The following FAIM2 variants were observed in gnomAD, a reference collection of about 807,000 sequenced individuals.
FAIM2 encodes the protein Fas apoptotic inhibitory molecule 2.
In FAIM2, 27 loss-of-function variants were observed where a neutral mutation model predicts 47.4. The ratio of observed to expected loss-of-function variants is 0.57; its 90% confidence interval spans 0.42 to 0.78. The LOEUF (loss-of-function observed/expected upper bound fraction) is 0.78, where lower values mean the gene tolerates loss of function less well. Among genes scored for constraint, FAIM2 ranks in the 30% least tolerant of loss-of-function variants. The pLI, the probability that FAIM2 is intolerant of heterozygous loss-of-function variation, is 0.00. For synonymous variants in FAIM2, 156 were observed against 159.3 expected (o/e 0.98, Z 0.16); for missense variants, 311 against 389.4 (o/e 0.80, Z 1.69).
intron 11 of FAIM2, among the ~76,000 whole-genome samples, chr12:49,880,420 ATG>A (rs1426753894): frequency 3.5e-5 from 5 of 144,260 alleles, no homozygotes; most frequent in African/African-American, 1.3e-4. Flanking sequence ...GCATGTGTAT[ATG>A]TGCATATCTC....
intron 11 of FAIM2, among the ~76,000 whole-genome samples, chr12:49,879,562 G>A (rs1280967884): frequency 6.6e-6 from 1 of 151,574 alleles, no homozygotes; most frequent in African/African-American, 2.4e-5. Context: ...GTATGTGCAT[G>A]CATGTATATG....
intron 5 of FAIM2, among the ~76,000 whole-genome samples, chr12:49,896,172 G>A (rs1045133605): frequency 2.4e-4 from 37 of 152,110 alleles, no homozygotes; most frequent in African/African-American, 8.7e-4. Context: ...CCCTGCAGAG[G>A]CCTCCTCTCC....
chr12:49,880,404 G>T (rs1946807182), intron 11 of FAIM2, among the ~76,000 whole-genome samples: 1 of 151,654 alleles, frequency 6.6e-6, no homozygotes, highest in Non-Finnish European at 1.5e-5. Context: ...GTGAGTGTAT[G>T]TATGTGCATG....
At chr12:49,887,634 C>T (rs576416197) in intron 10 of FAIM2, among the ~76,000 whole-genome samples, 195 bp from the exon 11 acceptor site, 5 of 152,186 alleles carry the variant, frequency 3.3e-5, no homozygotes, top group East Asian at 3.9e-4. Context: ...GGGATAAGAG[C>T]GATCCTGGTG....
Position 49,870,658 on chromosome 12 carries a change from G to A in FAIM2, c.802-5C>T. ...CTGGGTGTCAAGTGCCAGGAACTGGGAGAAGTGAGGAGAGAGAGAGAGAGG... is the reference window on the plus strand; with the variant it reads ...CTGGGTGTCAAGTGCCAGGAACTGGAAGAAGTGAGGAGAGAGAGAGAGAGG... On this transcript the variant is annotated splice_region_variant and splice_polypyrimidine_tract_variant and intron_variant, in intron 11 of 11. Transcript: ENST00000320634. 6.2e-7 allele frequency: 1 copy of A among 1,613,754 alleles called. No homozygotes were observed. Among genetic ancestry groups the A allele is most frequent in the Non-Finnish European group, 8.5e-7 (1 of 1,179,936 alleles).
intron 11 of FAIM2, among the ~76,000 whole-genome samples, chr12:49,880,630 GTA>G (rs59558736): frequency 0.76 from 114,721 of 150,406 alleles, 44,198 homozygotes; most frequent in African/African-American, 0.86. Flanking sequence ...GTGCATGTGT[GTA>G]TATATATGCA....
At chr12:49,879,367 CATGTGTGTAT>C (rs1400442294) in intron 11 of FAIM2, among the ~76,000 whole-genome samples, 4 of 136,528 alleles carry the variant, frequency 2.9e-5, no homozygotes, top group South Asian at 2.4e-4. Flanking sequence ...CATGTGTGTG[CATGTGTGTAT>C]ATGTGTATGT....
At chr12:49,880,774 A>G (rs1946818504) in intron 11 of FAIM2, among the ~76,000 whole-genome samples, 1 of 151,434 alleles carries the variant, frequency 6.6e-6, no homozygotes, top group Non-Finnish European at 1.5e-5. Context: ...GTATGTGTGT[A>G]TATGAGTGTG....
chr12:49,880,110 GTGTA>G lies in FAIM2; in HGVS notation c.801+7272_801+7275del, dbSNP rs1278158672. 7.9e-5 allele frequency among the ~76,000 whole-genome samples: 12 copies of G among 151,892 alleles called. No individual in the cohort carries two copies. In the South Asian group the frequency reaches 8.3e-4, roughly 11 times the overall value. ...TGTGCCTGTGTGTATATGTGCGTCT[GTGTA>G]TGTGTGTGCATGTGAATGTGTGTAT... On this transcript the variant is annotated intron_variant, in intron 11 of 11. Coordinates refer to ENST00000320634, the MANE Select transcript of FAIM2 (RefSeq NM_012306.4).
rs74953115 is a variant in FAIM2, at chr12:49,889,395, G to A, written c.651+86C>T. ...CCTTTACTTCTCTCCCCAGCCCCAG[G>A]TCCGAGCTCTGAGGCCCCCACCCCA... is the stretch of plus-strand genomic sequence containing the variant. On this transcript the variant is annotated intron_variant, in intron 9 of 11. Transcript: ENST00000320634. 2.8e-3 allele frequency: 3,568 copies of A among 1,282,368 alleles called. 83 individuals are homozygous for A. In the African/African-American group the frequency reaches 0.046, roughly 16 times the overall value. 79.4% of individuals were successfully genotyped at this position (1,282,368 alleles called of 1,614,324 possible). A position where few individuals can be genotyped will look rare whatever the true frequency, so the allele number is the denominator to read the frequency against.
Position 49,870,537 on chromosome 12 carries a change from G to A in FAIM2, c.918C>T (p.Phe306=), listed in dbSNP as rs1372141566. ...GGTTAGTGCCAAAAAGCTGCAGGAA[G>A]AAGGTGAAGATATAGATGATGTCTA... ...IYLDIIYIFT[F]FLQLFGTNRE is the part of the protein sequence containing the mutation. Residue 306 remains phenylalanine (F), a synonymous_variant, in exon 12 of 12, where the codon TTC becomes TTT. Coordinates refer to ENST00000320634, the MANE Select transcript of FAIM2 (RefSeq NM_012306.4). 1.9e-6 allele frequency: 3 copies of A among 1,614,072 alleles called. No individual in the cohort carries two copies. The highest frequency in any genetic ancestry group is 1.7e-6 in the Non-Finnish European group (2 of 1,179,934).
chr12:49,892,303 C>T (rs1329836323), intron 5 of FAIM2, among the ~76,000 whole-genome samples: 1 of 152,136 alleles, frequency 6.6e-6, no homozygotes, highest in East Asian at 1.9e-4. Flanking sequence ...TCCACTGGTA[C>T]CTCTCCTCCC....
In FAIM2 at chr12:49,903,773, G is replaced by A. The variant is rs202015450; in HGVS notation, c.15+5C>T. The A allele has an allele frequency of 2.0e-4, 311 of 1,549,170 alleles. 1 individual carries two copies. The highest frequency in any genetic ancestry group is 7.1e-4 in the African/African-American group (52 of 72,904). On this transcript the variant is annotated splice_donor_5th_base_variant and intron_variant, in intron 1 of 11. Transcript: ENST00000320634. ...GGATGGTGCAGGCTGGGGAGATGCC[G>A]GTACCTTTCCCTGGGTCATGGTGCC... is the stretch of plus-strand genomic sequence containing the variant.
chr12:49,873,486 C>G (rs551986617), intron 11 of FAIM2, among the ~76,000 whole-genome samples: 2 of 152,282 alleles, frequency 1.3e-5, no homozygotes, highest in East Asian at 3.9e-4. Context: ...GCAGTCACAG[C>G]TGCCAGCATC....
At chr12:49,890,820 C>T in intron 6 of FAIM2, 98 bp from the exon 7 acceptor site, 2 of 998,230 alleles carry the variant, frequency 2.0e-6, no homozygotes, top group Non-Finnish European at 3.2e-6. Context: ...TGACCAACCC[C>T]CTCCACACTC....
intron 5 of FAIM2, among the ~76,000 whole-genome samples, chr12:49,895,766 G>A (rs1032599912): frequency 2.0e-5 from 3 of 152,178 alleles, no homozygotes; most frequent in South Asian, 2.1e-4. Flanking sequence ...TGGGCTCGAC[G>A]TGGTCCAGGG....
At chr12:49,880,050 A>G (rs62648574) in intron 11 of FAIM2, among the ~76,000 whole-genome samples, 121 of 45,458 alleles carry the variant, frequency 2.7e-3, no homozygotes, top group African/African-American at 0.015. Context: ...ATGCATGTGT[A>G]TATATGTATT....
In FAIM2 at chr12:49,878,966, G is replaced by A. The variant is rs140436325; in HGVS notation, c.802-8313C>T. On this transcript the variant is annotated intron_variant, in intron 11 of 11. Coordinates refer to ENST00000320634, the MANE Select transcript of FAIM2 (RefSeq NM_012306.4). ...TGTGTATGTTCATGTGTATATGTGC[G>A]TATGTGTATATGTATGCATATGAGT... Among the ~76,000 whole-genome samples the A allele has an allele frequency of 9.5e-5, 13 of 136,618 alleles. 4 individuals carry two copies. Among genetic ancestry groups the A allele is most frequent in the Non-Finnish European group, 2.0e-4 (13 of 64,408 alleles). The allele number at this position is 136,618 out of a possible 152,430, so 89.6% of individuals were successfully genotyped here. A position where few individuals can be genotyped will look rare whatever the true frequency, so the allele number is the denominator to read the frequency against.
chr12:49,879,610 G>A (rs1388382682), intron 11 of FAIM2, among the ~76,000 whole-genome samples: 5 of 151,662 alleles, frequency 3.3e-5, no homozygotes. Context: ...GCGAGTGTAT[G>A]TGTGTGCATG....
Sources: gnomAD v4.1 joint callset for allele counts (sites outside exome capture counted in the v4.1 genomes callset) on GRCh38, gnomAD v4.1.1 for gene constraint, MANE v1.5 for transcripts, NCBI Gene and HGNC (gene_info 2026-07-23, HGNC 2026-07-21) for gene names.